GPM6B: variants seen among roughly 807,000 people sequenced by gnomAD.
GPM6B encodes neuronal membrane glycoprotein M6-b.
A neutral mutation model predicts 27.2 loss-of-function variants in GPM6B; 4 were observed. The observed-to-expected ratio is 0.15, with a 90% CI of 0.07 to 0.34. The LOEUF (loss-of-function observed/expected upper bound fraction) is 0.34, where lower values mean the gene tolerates loss of function less well. Ranked by LOEUF, GPM6B falls within the 10% of genes least tolerant of loss-of-function variation. GPM6B has a pLI of 1.00. For missense variants in GPM6B, 183 were observed against 261.9 expected, an observed-to-expected ratio of 0.70 and a Z score of 2.08; for synonymous variants, 124 against 103.1, an observed-to-expected ratio of 1.20 and a Z score of -1.23.
In GPM6B at chrX:13,883,807, C is replaced by G. The variant is rs1180933960; in HGVS notation, c.-198+54520G>C. Among the ~76,000 whole-genome samples, 3 of 110,864 alleles carry G rather than the reference C, an allele frequency of 2.7e-5. No homozygotes were observed. The East Asian group carries it at 8.4e-4, about 31-fold the overall frequency. Reference sequence around the variant, plus strand: ...AGGCTGCAGTGAGCTATGATTGCACCACTGCATTCCAGCCTGGGCGATAGC... The same window carrying G: ...AGGCTGCAGTGAGCTATGATTGCACGACTGCATTCCAGCCTGGGCGATAGC... On this transcript the variant is annotated intron_variant, in intron 1 of 6. Coordinates refer to the GPM6B transcript ENST00000398361.
chrX:13,776,417 GCACAGGCCTGC>G (rs2048413695), intron 6 of GPM6B, 114 bp from the exon 7 acceptor site: 1 of 557,033 alleles, frequency 1.8e-6, no homozygotes, highest in Admixed American at 3.0e-5. Context: ...GCAAGACTGG[GCACAGGCCTGC>G]CTTCTCTTCA....
intron 1 of GPM6B, among the ~76,000 whole-genome samples, chrX:13,933,480 C>T (rs188279274): frequency 6.8e-4 from 76 of 112,137 alleles, no homozygotes; most frequent in Non-Finnish European, 1.3e-3. Flanking sequence ...GTATGTACTG[C>T]TTCTCCCCCA....
intron 1 of GPM6B, among the ~76,000 whole-genome samples, chrX:13,854,358 A>T: frequency 8.9e-6 from 1 of 112,366 alleles, no homozygotes; most frequent in Non-Finnish European, 1.9e-5. Flanking sequence ...ATAGATTTTC[A>T]TGAAAGAAAG....
intron 1 of GPM6B, among the ~76,000 whole-genome samples, chrX:13,825,251 G>A (rs1352588870): frequency 4.5e-5 from 5 of 112,190 alleles, no homozygotes; most frequent in African/African-American, 1.6e-4. Flanking sequence ...GAGTGAGAAG[G>A]ACTATCAAGT....
intron 1 of GPM6B, among the ~76,000 whole-genome samples, chrX:13,831,179 C>T (rs1306505482): frequency 3.4e-4 from 10 of 29,092 alleles, no homozygotes; most frequent in African/African-American, 8.9e-4. Flanking sequence ...GAGCTCAGTA[C>T]ACACACACAC....
intron 1 of GPM6B, among the ~76,000 whole-genome samples, chrX:13,884,788 G>T (rs1424042297): frequency 5.4e-5 from 6 of 111,640 alleles, no homozygotes; most frequent in African/African-American, 1.6e-4. Context: ...TTAAACCTGG[G>T]TTCCTGACCA....
At chrX:13,790,208 C>T (rs1602997055) in intron 2 of GPM6B, among the ~76,000 whole-genome samples, 1 of 111,934 alleles carries the variant, frequency 8.9e-6, no homozygotes, top group African/African-American at 3.3e-5. Flanking sequence ...AAAGATCACT[C>T]TGGATGATGT....
At chrX:13,906,685 A>C (rs1020498769) in intron 1 of GPM6B, among the ~76,000 whole-genome samples, 1 of 112,404 alleles carries the variant, frequency 8.9e-6, no homozygotes, top group African/African-American at 3.2e-5. Flanking sequence ...GTTTTAAAAG[A>C]AATGTCTAGC....
intron 1 of GPM6B, among the ~76,000 whole-genome samples, chrX:13,850,895 G>C (rs4830895): frequency 0.39 from 42,984 of 110,214 alleles, 6,455 homozygotes; most frequent in Non-Finnish European, 0.47. Flanking sequence ...CAGGCATGGG[G>C]GCTCGTGCCT....
At chrX:13,842,633 C>T (rs2049591731) in intron 1 of GPM6B, among the ~76,000 whole-genome samples, 1 of 111,191 alleles carries the variant, frequency 9.0e-6, no homozygotes, top group Non-Finnish European at 1.9e-5. Flanking sequence ...TAACTTAGTG[C>T]TCTGGGAGGC....
At chrX:13,903,951 G>C (rs1024610963) in intron 1 of GPM6B, among the ~76,000 whole-genome samples, 4 of 110,759 alleles carry the variant, frequency 3.6e-5, no homozygotes, top group Admixed American at 2.9e-4. Flanking sequence ...AGAGGGATAG[G>C]ATCATTTGAG....
At chrX:13,897,376 A>G (rs1349977593) in intron 1 of GPM6B, among the ~76,000 whole-genome samples, 2 of 112,349 alleles carry the variant, frequency 1.8e-5, no homozygotes, top group Non-Finnish European at 3.8e-5. Context: ...AATTTCATTT[A>G]ACCTGAGAGT....
At chrX:13,920,646 C>G (rs1920960840) in intron 1 of GPM6B, among the ~76,000 whole-genome samples, 1 of 111,401 alleles carries the variant, frequency 9.0e-6, no homozygotes, top group African/African-American at 3.3e-5. Flanking sequence ...AATCCCAGCA[C>G]TTTGGGAGGC....
chrX:13,871,093 A>AC (rs1467641166), intron 1 of GPM6B, among the ~76,000 whole-genome samples: 1 of 36,035 alleles, frequency 2.8e-5, no homozygotes, highest in Non-Finnish European at 7.7e-5. Flanking sequence ...ACAAAACAAA[A>AC]CAAAACAAAA....
upstream of GPM6B, among the ~76,000 whole-genome samples, chrX:13,820,912 T>C (rs774677767): frequency 9.0e-6 from 1 of 111,067 alleles, no homozygotes; most frequent in Admixed American, 9.6e-5. Flanking sequence ...GAGCTTAGGG[T>C]ACACTACCTT....
chrX:13,818,713 T>C (rs1330454403), upstream of GPM6B, among the ~76,000 whole-genome samples: 1 of 112,339 alleles, frequency 8.9e-6, no homozygotes, highest in Non-Finnish European at 1.9e-5. Context: ...GAAAAAAGAT[T>C]CGTTTGTGAT....
At chrX:13,871,427 G>A (rs2049977205) in intron 1 of GPM6B, among the ~76,000 whole-genome samples, 1 of 112,088 alleles carries the variant, frequency 8.9e-6, no homozygotes, top group African/African-American at 3.2e-5. Context: ...GAAAGGCCCT[G>A]GGCATCTGAC....
At chrX:13,837,338 C>G (rs1603064191) in intron 1 of GPM6B, among the ~76,000 whole-genome samples, 1 of 111,680 alleles carries the variant, frequency 9.0e-6, no homozygotes, top group Admixed American at 9.5e-5. Flanking sequence ...AAGTTCCCCA[C>G]CCTGGCGTGT....
chrX:13,924,021 G>C (rs749249199), intron 1 of GPM6B, among the ~76,000 whole-genome samples: 3 of 112,009 alleles, frequency 2.7e-5, no homozygotes, highest in Non-Finnish European at 5.6e-5. Flanking sequence ...TGTTTTATCC[G>C]TAACGTTTTC....
Sources: gnomAD v4.1 joint callset for allele counts (sites outside exome capture counted in the v4.1 genomes callset) on GRCh38, gnomAD v4.1.1 for gene constraint, MANE v1.5 for transcripts, NCBI Gene and HGNC (gene_info 2026-07-23, HGNC 2026-07-21) for gene names.